Variants in PIEZO2 observed in about 807,000 individuals in gnomAD.
PIEZO2 encodes the protein piezo type mechanosensitive ion channel component 2.
In PIEZO2, 172 loss-of-function variants were observed where a neutral mutation model predicts 337.3. That is an observed-to-expected ratio of 0.51 (90% CI 0.45 to 0.58). The LOEUF (loss-of-function observed/expected upper bound fraction) is 0.58. Ranked by LOEUF, PIEZO2 falls within the 20% of genes least tolerant of loss-of-function variation. The pLI, the probability that PIEZO2 is intolerant of heterozygous loss-of-function variation, is 0.00. For synonymous variants in PIEZO2, 1,251 were observed against 1,228.5 expected, an observed-to-expected ratio of 1.02 and a Z score of -0.38; for missense variants, 3,028 against 3,391.3, an observed-to-expected ratio of 0.89 and a Z score of 2.66.
chr18:10,857,881 TG>T (rs2041752213), intron 5 of PIEZO2, among the ~76,000 whole-genome samples: 1 of 152,228 alleles, frequency 6.6e-6, no homozygotes, highest in Non-Finnish European at 1.5e-5. Context: ...TATTTTAAAC[TG>T]GGTATGCTAA....
At chr18:10,751,486 T>C (rs1238048847) in intron 28 of PIEZO2, among the ~76,000 whole-genome samples, 3 of 152,316 alleles carry the variant, frequency 2.0e-5, no homozygotes, top group South Asian at 2.1e-4. Context: ...TAAGTCACTT[T>C]CACCATCACC....
chr18:10,971,855 T>A (rs1412916019), intron 3 of PIEZO2, among the ~76,000 whole-genome samples: 1 of 152,102 alleles, frequency 6.6e-6, no homozygotes, highest in Non-Finnish European at 1.5e-5. Flanking sequence ...GACTGTGTAG[T>A]CCAGGAGACC....
In PIEZO2 at chr18:10,704,485, A is replaced by C; in HGVS notation, c.6167T>G (p.Leu2056Arg). ...NHMVSASMIT[L>R]LLPILIFLWA... ...GAGGAAGATGAGGATGGGAAGCAGG[A>C]GCGTGATCATGGAGGCAGAGACCAT... Residue 2056 changes from leucine to arginine, a missense_variant, in exon 42 of 56, where the codon CTC (leucine) becomes CGC (arginine). By Grantham distance (102) the Leu-to-Arg change is moderately radical. This residue lies in a region of PIEZO2 where 1,925 missense variants were observed against 2,051.9 expected (regional missense o/e 0.94). Transcript: ENST00000674853. 1 of 1,537,260 alleles carries C rather than the reference A, an allele frequency of 6.5e-7. No homozygotes were observed. Among genetic ancestry groups the C allele is most frequent in the Non-Finnish European group, 8.7e-7 (1 of 1,146,924 alleles).
intron 1 of PIEZO2, among the ~76,000 whole-genome samples, chr18:11,121,924 C>A (rs909846629): frequency 8.5e-5 from 13 of 152,080 alleles, no homozygotes; most frequent in Admixed American, 5.9e-4. Flanking sequence ...TTATAAAAAT[C>A]ATGTACCAAA....
At position 10,697,804 on chromosome 18, in the gene PIEZO2, A is replaced by C. The variant is rs1163838068; in HGVS notation, c.6771T>G (p.Leu2257=). 1.2e-6 allele frequency: 2 copies of C among 1,614,192 alleles called. No homozygotes were observed. Among genetic ancestry groups the C allele is most frequent in the Non-Finnish European group, 1.7e-6 (2 of 1,180,030 alleles). Residue 2257 remains leucine, a synonymous_variant, in exon 45 of 56, where the codon CTT becomes CTG. Transcript: ENST00000674853. ...LSIKQKGKRE[L]YMEKLQEHLI... is the part of the protein sequence containing the mutation. ...AATGTTCTTGAAGCTTTTCCATATA[A>C]AGTTCCCTTTTGCCTTTTTGCTTAA...
In PIEZO2 at chr18:10,921,865, G is replaced by A. The variant is rs996009097; in HGVS notation, c.287-10637C>T. Among the ~76,000 whole-genome samples, 29 of 152,064 alleles carry A rather than the reference G, an allele frequency of 1.9e-4. 1 individual carries two copies. Among genetic ancestry groups the A allele is most frequent in the Non-Finnish European group, 1.9e-4 (13 of 67,998 alleles). On this transcript the variant is annotated intron_variant, in intron 3 of 55. Coordinates refer to ENST00000674853, the MANE Select transcript of PIEZO2 (RefSeq NM_001378183.1). ...GAGTGTGGCCGTCTTCTATGGTCGA[G>A]ACTGTAGGGATGAAATAAACCCCAG...
At chr18:10,898,327 G>C (rs769746120) in intron 4 of PIEZO2, among the ~76,000 whole-genome samples, 1 of 152,062 alleles carries the variant, frequency 6.6e-6, no homozygotes, top group Non-Finnish European at 1.5e-5. Flanking sequence ...AGGCTGAGGG[G>C]GGAGAATGGC....
At chr18:11,046,675 G>T (rs536129414) in intron 2 of PIEZO2, among the ~76,000 whole-genome samples, 1 of 152,284 alleles carries the variant, frequency 6.6e-6, no homozygotes, top group East Asian at 1.9e-4. Flanking sequence ...TTCTCCTGAG[G>T]GCCTGGCCTC....
intron 27 of PIEZO2, 35 bp from the exon 28 acceptor site, chr18:10,752,914 C>A: frequency 6.6e-7 from 1 of 1,512,036 alleles, no homozygotes; most frequent in Non-Finnish European, 8.8e-7. Context: ...AAGACAACAA[C>A]AACAAAACAA....
At position 10,734,523 on chromosome 18, in the gene PIEZO2, C is replaced by T. The variant is rs373823786; in HGVS notation, c.4914+709G>A. 2.8e-4 allele frequency among the ~76,000 whole-genome samples: 42 copies of T among 152,372 alleles called. 1 individual carries two copies. In the East Asian group the frequency reaches 3.9e-3, roughly 14 times the overall value. ...CATACAGAGCAAAGCATTTTAGTGGCTGCCCCTGACTGAGTTCAGGAGAAA... is the reference window on the plus strand; with the variant it reads ...CATACAGAGCAAAGCATTTTAGTGGTTGCCCCTGACTGAGTTCAGGAGAAA... On this transcript the variant is annotated intron_variant, in intron 35 of 55. Transcript: ENST00000674853.
chr18:10,917,649 G>T (rs144129422), intron 3 of PIEZO2, among the ~76,000 whole-genome samples: 1 of 152,126 alleles, frequency 6.6e-6, no homozygotes, highest in African/African-American at 2.4e-5. Context: ...TGTCTCAGCC[G>T]CTGAGAGCCA....
At chr18:11,030,470 C>A (rs2036690529) in intron 2 of PIEZO2, among the ~76,000 whole-genome samples, 1 of 152,132 alleles carries the variant, frequency 6.6e-6, no homozygotes, top group Admixed American at 6.5e-5. Flanking sequence ...AAAACTGAGG[C>A]CCAAAGGAGT....
In PIEZO2 at chr18:10,681,269, G is replaced by A. The variant is rs149780943; in HGVS notation, c.7779+392C>T. Among the ~76,000 whole-genome samples, 253 of 152,258 alleles carry A rather than the reference G, an allele frequency of 1.7e-3. 2 individuals carry two copies. The highest frequency in any genetic ancestry group is 2.9e-3 in the Non-Finnish European group (195 of 68,008). ...TCAACCAGCTCCTGTTTGCTGAACC[G>A]CAAATTGCCTCTAGTTCTGCTAATG... On this transcript the variant is annotated intron_variant, in intron 51 of 55. Transcript: ENST00000674853.
At chr18:10,782,361 ATATAAATAATTATAATATAT>A (rs2039040738) in intron 17 of PIEZO2, among the ~76,000 whole-genome samples, 1 of 53,622 alleles carries the variant, frequency 1.9e-5, no homozygotes, top group Admixed American at 3.5e-4. Context: ...TTATAATTAT[ATATAAATAATTATAATATAT>A]TATAATTATA....
chr18:10,723,249 G>A (rs1435629555), intron 36 of PIEZO2, among the ~76,000 whole-genome samples: 2 of 152,160 alleles, frequency 1.3e-5, no homozygotes, highest in Non-Finnish European at 2.9e-5. Flanking sequence ...TTACAGGCGT[G>A]AGCCACCGCG....
At chr18:10,708,829 A>T (rs2035697319) in intron 39 of PIEZO2, among the ~76,000 whole-genome samples, 1 of 152,230 alleles carries the variant, frequency 6.6e-6, no homozygotes, top group Non-Finnish European at 1.5e-5. Flanking sequence ...GTCCTGAGTT[A>T]AGAGCATTTA....
intron 48 of PIEZO2, among the ~76,000 whole-genome samples, chr18:10,690,344 C>T (rs114774975): frequency 0.01 from 1,570 of 152,230 alleles, 19 homozygotes; most frequent in African/African-American, 0.036. Context: ...AGGGATTGGC[C>T]TGGGCTCCTC....
intron 3 of PIEZO2, among the ~76,000 whole-genome samples, chr18:10,957,698 G>C (rs1228856225): frequency 1.3e-5 from 2 of 152,092 alleles, no homozygotes; most frequent in African/African-American, 4.8e-5. Context: ...CTTCTGCACA[G>C]CAAAGGAAAC....
Position 11,104,116 on chromosome 18 carries a change from T to C in PIEZO2, c.65-37894A>G, listed in dbSNP as rs1307641748. On this transcript the variant is annotated intron_variant, in intron 1 of 55. Transcript: ENST00000674853. The surrounding 1 kb of genome is among the most constrained non-coding windows in gnomAD (Gnocchi z 4.6). ...TGTTAAAATTGGATTCTTCTTATCA[T>C]AGCTTTCACTGGGATTGCAATATAA... Among the ~76,000 whole-genome samples, 1 of 152,176 alleles carries C rather than the reference T, an allele frequency of 6.6e-6. No homozygotes were observed. The highest frequency in any genetic ancestry group is 1.5e-5 in the Non-Finnish European group (1 of 68,028).
Sources: allele counts gnomAD v4.1 joint callset (sites outside exome capture counted in the v4.1 genomes callset), GRCh38; gene constraint gnomAD v4.1.1; regional missense constraint gnomAD v4.1.1; non-coding constraint Gnocchi (gnomAD v3.1); transcripts MANE v1.5; gene names NCBI Gene and HGNC (gene_info 2026-07-23, HGNC 2026-07-21).